TMEM178B: variants seen among roughly 807,000 people sequenced by gnomAD.
The protein encoded by TMEM178B is transmembrane protein 178B.
In TMEM178B, 5 loss-of-function variants were observed where a neutral mutation model predicts 31.0. The observed-to-expected ratio is 0.16, with a 90% CI of 0.08 to 0.34. TMEM178B has a LOEUF of 0.34. Among genes scored for constraint, TMEM178B ranks in the 10% least tolerant of loss-of-function variants. The pLI is 1.00. For synonymous variants in TMEM178B, 164 were observed against 164.0 expected, an observed-to-expected ratio of 1.00 and a Z score of 0.00; for missense variants, 275 against 400.3, an observed-to-expected ratio of 0.69 and a Z score of 2.67.
intron 2 of TMEM178B, among the ~76,000 whole-genome samples, chr7:141,220,492 G>A (rs1016650143): frequency 3.3e-5 from 5 of 151,988 alleles, no homozygotes; most frequent in African/African-American, 2.4e-5. Flanking sequence ...ATGGATAAGA[G>A]GGAGAGTTTA....
chr7:141,080,087 G>A (rs1370040789), intron 1 of TMEM178B, among the ~76,000 whole-genome samples: 1 of 152,244 alleles, frequency 6.6e-6, no homozygotes, highest in Non-Finnish European at 1.5e-5. Flanking sequence ...CTAAATTGAA[G>A]TAATGAGAGT....
intron 2 of TMEM178B, among the ~76,000 whole-genome samples, chr7:141,272,602 T>G (rs1296194999): frequency 6.6e-6 from 1 of 152,200 alleles, no homozygotes; most frequent in African/African-American, 2.4e-5. Context: ...AGAGCCCCAG[T>G]GCTGGGAATT....
At chr7:141,487,819 GAAGA>G in the TMEM178B span, among the ~76,000 whole-genome samples, 1 of 148,868 alleles carries the variant, frequency 6.7e-6, no homozygotes, top group African/African-American at 2.5e-5. Flanking sequence ...CTCTGCTTGA[GAAGA>G]AAAAGGAAAC....
At chr7:141,437,568 A>G (rs954514972) in intron 2 of TMEM178B, 40 bp from the exon 3 acceptor site, 2 of 1,534,008 alleles carry the variant, frequency 1.3e-6, no homozygotes, top group African/African-American at 2.7e-5. Flanking sequence ...CCTCAGTCCC[A>G]GGCTCTGCTG....
chr7:141,146,741 C>A (rs1795859018), intron 1 of TMEM178B, among the ~76,000 whole-genome samples: 1 of 152,108 alleles, frequency 6.6e-6, no homozygotes, highest in South Asian at 2.1e-4. Flanking sequence ...TGAATATATC[C>A]CAGTTAGCTC....
chr7:141,183,997 G>A (rs914326943), intron 1 of TMEM178B, among the ~76,000 whole-genome samples: 2 of 152,150 alleles, frequency 1.3e-5, no homozygotes, highest in Non-Finnish European at 2.9e-5. Context: ...GATGCTTCTT[G>A]GAAACTCGTC....
At chr7:141,100,426 G>A (rs1292774928) in intron 1 of TMEM178B, among the ~76,000 whole-genome samples, 1 of 152,124 alleles carries the variant, frequency 6.6e-6, no homozygotes, top group African/African-American at 2.4e-5. Context: ...TATGAGAGAT[G>A]CTAGCATTTT....
chr7:141,233,089 T>C (rs1797472922), intron 2 of TMEM178B, among the ~76,000 whole-genome samples: 1 of 152,216 alleles, frequency 6.6e-6, no homozygotes, highest in Admixed American at 6.5e-5. Context: ...AGTTCTGCGA[T>C]TGAAACCTCA....
At chr7:141,460,340 G>T (rs1228144117) in intron 3 of TMEM178B, among the ~76,000 whole-genome samples, 1 of 152,172 alleles carries the variant, frequency 6.6e-6, no homozygotes, top group Non-Finnish European at 1.5e-5. Context: ...GTGTCTCTTT[G>T]TATGTCCCAA....
At chr7:141,079,941 G>A (rs73738933) in intron 1 of TMEM178B, among the ~76,000 whole-genome samples, 224 of 152,276 alleles carry the variant, frequency 1.5e-3, no homozygotes, top group Middle Eastern at 0.014. Context: ...TTCTGGCTCT[G>A]GATGTGGGAA....
intron 1 of TMEM178B, among the ~76,000 whole-genome samples, chr7:141,108,080 G>A (rs1318163027): frequency 6.6e-6 from 1 of 152,158 alleles, no homozygotes; most frequent in Non-Finnish European, 1.5e-5. Context: ...GTTATTGGTA[G>A]TATTAGCGGT....
intron 2 of TMEM178B, among the ~76,000 whole-genome samples, chr7:141,397,737 T>C (rs1309910131): frequency 1.3e-5 from 2 of 152,230 alleles, no homozygotes; most frequent in Non-Finnish European, 2.9e-5. Flanking sequence ...TTGGCTAATA[T>C]AGAATTTAAT....
rs1563157511 is a variant in TMEM178B at position 141,344,622 on chromosome 7, T to TCCTTCCTTCCTC, written c.497-92979_497-92978insTCCTCCCTTCCT. Among the ~76,000 whole-genome samples, 1 of 130,062 alleles carries TCCTTCCTTCCTC rather than the reference T, an allele frequency of 7.7e-6. No individual in the cohort carries two copies. Among genetic ancestry groups the TCCTTCCTTCCTC allele is most frequent in the African/African-American group, 3.1e-5 (1 of 32,412 alleles). The allele number at this position is 130,062 out of a possible 152,430, so 85.3% of individuals were successfully genotyped here. ...TTCCTTCCTTCCTTCCTTCCTTCCT[T>TCCTTCCTTCCTC]CCTTCCTCCCTTCCTTCTTCCCTTC... On this transcript the variant is annotated intron_variant, in intron 2 of 3. Transcript: ENST00000565468. The surrounding 1 kb of genome is among the most constrained non-coding windows in gnomAD (Gnocchi z 4.1).
chr7:141,457,298 G>A (rs1801982468), intron 3 of TMEM178B, among the ~76,000 whole-genome samples: 1 of 152,060 alleles, frequency 6.6e-6, no homozygotes, highest in Admixed American at 6.6e-5. Context: ...ATTTAGCTTG[G>A]GATGACTATG....
chr7:141,495,506 A>G, the TMEM178B span, among the ~76,000 whole-genome samples: 1 of 152,136 alleles, frequency 6.6e-6, no homozygotes, highest in Non-Finnish European at 1.5e-5. Flanking sequence ...TGGGTGGTAA[A>G]TTGGTGGGGG....
rs141378071 is a variant in TMEM178B, at chr7:141,191,625, TTAAG to T, written c.383-20962_383-20959del. On this transcript the variant is annotated intron_variant, in intron 1 of 3. Transcript: ENST00000565468. ...TGCTCTTGAGTATCTTTTCATATGT[TTAAG>T]TAACATTTGTATTTTCATGAACTTT... 1.1e-3 allele frequency among the ~76,000 whole-genome samples: 167 copies of T among 152,390 alleles called. 1 individual carries two copies. Among genetic ancestry groups the T allele is most frequent in the African/African-American group, 3.9e-3 (161 of 41,596 alleles).
rs569199555 is a variant in TMEM178B at position 141,395,821 on chromosome 7, A to G, written c.497-41787A>G. 5.3e-5 allele frequency among the ~76,000 whole-genome samples: 8 copies of G among 152,316 alleles called. No homozygotes were observed. In the East Asian group the frequency reaches 1.3e-3, roughly 26 times the overall value. ...GGGAATGGGTTGGAACCAGAGAGCTATAATTCATCCTTTCTCCCACACAAA... is the reference window on the plus strand; with the variant it reads ...GGGAATGGGTTGGAACCAGAGAGCTGTAATTCATCCTTTCTCCCACACAAA... On this transcript the variant is annotated intron_variant, in intron 2 of 3. Coordinates refer to ENST00000565468, the MANE Select transcript of TMEM178B (RefSeq NM_001195278.2).
the TMEM178B span, among the ~76,000 whole-genome samples, chr7:141,488,337 T>C: frequency 6.6e-6 from 1 of 152,212 alleles, no homozygotes. Flanking sequence ...ACACTAAAAT[T>C]AGGACTAAGC....
intron 1 of TMEM178B, among the ~76,000 whole-genome samples, chr7:141,083,174 A>C (rs1794715018): frequency 6.6e-6 from 1 of 152,208 alleles, no homozygotes; most frequent in Admixed American, 6.5e-5. Context: ...ATATGTTTGT[A>C]ACTTACTACT....
Sources: allele counts gnomAD v4.1 joint callset (sites outside exome capture counted in the v4.1 genomes callset), GRCh38; gene constraint gnomAD v4.1.1; non-coding constraint Gnocchi (gnomAD v3.1); transcripts MANE v1.5; gene names NCBI Gene and HGNC (gene_info 2026-07-23, HGNC 2026-07-21).